DPP4: variants seen among roughly 807,000 people sequenced by gnomAD.
DPP4 encodes dipeptidyl peptidase 4.
A neutral mutation model predicts 122.4 loss-of-function variants in DPP4; 93 were observed. That is an observed-to-expected ratio of 0.76 (90% CI 0.64 to 0.90). DPP4 has a LOEUF of 0.90. Ranked by LOEUF, DPP4 falls within the 40% of genes least tolerant of loss-of-function variation. DPP4 has a pLI of 0.00. For synonymous variants in DPP4, 321 were observed against 302.9 expected (o/e 1.06, Z -0.62); for missense variants, 914 against 907.3 (o/e 1.01, Z -0.09).
intron 21 of DPP4, 36 bp downstream of exon 21, chr2:162,009,201 CACTA>C (rs746032974): frequency 6.3e-7 from 1 of 1,594,912 alleles, no homozygotes; most frequent in Non-Finnish European, 8.6e-7. Flanking sequence ...GAGTGATATT[CACTA>C]ACGAATGCAT....
chr2:161,997,561 T>G (rs1457496314), intron 23 of DPP4, among the ~76,000 whole-genome samples: 1 of 152,212 alleles, frequency 6.6e-6, no homozygotes, highest in Non-Finnish European at 1.5e-5. Context: ...GAATCAAGTG[T>G]TATCAGCTGG....
At chr2:162,046,264 C>T (rs545537310) in intron 4 of DPP4, among the ~76,000 whole-genome samples, 3 of 152,004 alleles carry the variant, frequency 2.0e-5, no homozygotes, top group Non-Finnish European at 4.4e-5. Flanking sequence ...AGGGTTTAAG[C>T]GAGGACTGTC....
At chr2:162,046,608 C>G (rs1395019383) in intron 4 of DPP4, 1 of 471,174 alleles carries the variant, frequency 2.1e-6, no homozygotes, top group African/African-American at 2.0e-5. Flanking sequence ...GAGAGGAGGG[C>G]AGTAATGCTG....
intron 2 of DPP4, among the ~76,000 whole-genome samples, chr2:162,071,373 G>A (rs184725569): frequency 1.1e-4 from 16 of 152,284 alleles, no homozygotes; most frequent in Middle Eastern, 3.4e-3. Context: ...GCCGGGTGCA[G>A]TGGCTTACAC....
At chr2:162,062,418 C>T (rs531479210) in intron 2 of DPP4, among the ~76,000 whole-genome samples, 3 of 152,316 alleles carry the variant, frequency 2.0e-5, no homozygotes, top group Admixed American at 2.0e-4. Context: ...TTCTAAAAGT[C>T]AGCAGTCCAG....
rs199682390 is a variant in DPP4 at position 162,074,135 on chromosome 2, C to G, written c.-154G>C. ...CCCCGAGTTAAACATTAGTGAGCGC[C>G]GAGCCCGCTGGGTATAAAGGCGCCG... is the stretch of plus-strand genomic sequence containing the variant. On this transcript the variant is annotated 5_prime_UTR_variant, in exon 1 of 26. Transcript: ENST00000360534. The G allele has an allele frequency of 2.9e-6, 4 of 1,396,744 alleles. No homozygotes were observed. Among genetic ancestry groups the G allele is most frequent in the Non-Finnish European group, 3.7e-6 (4 of 1,075,722 alleles). 86.5% of individuals were successfully genotyped at this position (1,396,744 alleles called of 1,614,324 possible).
At chr2:162,026,329 G>A (rs1429901095) in intron 10 of DPP4, among the ~76,000 whole-genome samples, 1 of 152,174 alleles carries the variant, frequency 6.6e-6, no homozygotes, top group African/African-American at 2.4e-5. Flanking sequence ...CGCAGGTACT[G>A]AAACAGGACC....
chr2:162,059,954 C>T (rs763922597), intron 2 of DPP4, among the ~76,000 whole-genome samples: 29 of 152,210 alleles, frequency 1.9e-4, no homozygotes, highest in Non-Finnish European at 3.8e-4. Flanking sequence ...TTTCAACCCA[C>T]TTATTCTTCT....
At chr2:162,007,882 A>G (rs1576036152) in intron 22 of DPP4, among the ~76,000 whole-genome samples, 3 of 152,240 alleles carry the variant, frequency 2.0e-5, no homozygotes, top group South Asian at 2.1e-4. Flanking sequence ...GCTATTCATC[A>G]TCAGCCATTC....
chr2:162,038,896 C>A (rs537543116), intron 7 of DPP4, 53 bp downstream of exon 7: 22 of 1,517,544 alleles, frequency 1.4e-5, no homozygotes, highest in Non-Finnish European at 1.9e-5. Flanking sequence ...GTAACTTCTG[C>A]CTATGAAAAA....
At chr2:162,036,093 T>G (rs1683760330) in intron 8 of DPP4, among the ~76,000 whole-genome samples, 1 of 152,188 alleles carries the variant, frequency 6.6e-6, no homozygotes, top group Admixed American at 6.6e-5. Context: ...ATTCAATCAC[T>G]GGCTCTTAAT....
rs114176682 is a variant in DPP4, at chr2:162,039,056, G to A, written c.420-35C>T. The A allele has an allele frequency of 5.1e-4, 827 of 1,612,560 alleles. 6 individuals carry two copies. In the African/African-American group the frequency reaches 0.01, roughly 20 times the overall value. On this transcript the variant is annotated intron_variant, in intron 6 of 25. Transcript: ENST00000360534. ...AGATGAAAGGAAATATTATCAAAAA[G>A]AATAACTCACATTGGGGTTTCCTTA...
At chr2:162,015,451 T>C (rs745447399) in intron 18 of DPP4, among the ~76,000 whole-genome samples, 2 of 151,818 alleles carry the variant, frequency 1.3e-5, no homozygotes, top group Non-Finnish European at 2.9e-5. Context: ...CACCAAACTA[T>C]CAGTTGACCA....
chr2:161,993,466 C>G, intron 25 of DPP4, 82 bp from the exon 26 acceptor site: 1 of 973,098 alleles, frequency 1.0e-6, no homozygotes, highest in East Asian at 2.4e-5. Flanking sequence ...CAAATGAGCT[C>G]TCACGAGCAT....
rs955700842 is a variant in DPP4, at chr2:162,045,555, G to T, written c.343C>A (p.Leu115Ile). The T allele has an allele frequency of 1.9e-6, 3 of 1,611,316 alleles. No homozygotes were observed. In the Admixed American group the frequency reaches 5.0e-5, roughly 27 times the overall value. ...YSISPDGQFI[L>I]LEYNYVKQWR... ...ACCTTCACGTAGTTGTATTCTAAGA[G>T]AATAAACTGCCCATCAGGAGATATT... The change falls in exon 5 of 26, where the codon CTC becomes ATC. Residue 115 changes from leucine to isoleucine, a missense_variant. Physicochemically the swap from Leu to Ile is conservative, Grantham distance 5 (BLOSUM62 2). Coordinates refer to ENST00000360534, the MANE Select transcript of DPP4 (RefSeq NM_001935.4).
At chr2:162,047,549 C>T (rs575011333) in intron 2 of DPP4, 48 bp from the exon 3 acceptor site, 2 of 1,351,762 alleles carry the variant, frequency 1.5e-6, no homozygotes, top group African/African-American at 2.9e-5. Context: ...GATGGAATAA[C>T]CTAAGTTTTG....
At chr2:162,047,631 AGAC>A in intron 2 of DPP4, 130 bp from the exon 3 acceptor site, 1 of 545,176 alleles carries the variant, frequency 1.8e-6, no homozygotes, top group Non-Finnish European at 3.1e-6. Context: ...ACAAAATGCA[AGAC>A]ACATTTTAAA....
At chr2:162,017,446 C>T in intron 16 of DPP4, 1 of 354,634 alleles carries the variant, frequency 2.8e-6, no homozygotes, top group South Asian at 7.2e-5. Context: ...CATCTCTGAA[C>T]TTAATATACT....
At chr2:162,036,369 T>C (rs1437244402) in intron 8 of DPP4, among the ~76,000 whole-genome samples, 2 of 152,220 alleles carry the variant, frequency 1.3e-5, no homozygotes, top group South Asian at 2.1e-4. Flanking sequence ...ATTATTGTGA[T>C]GAGCAGCTGA....
Sources: gnomAD v4.1 joint callset for allele counts (sites outside exome capture counted in the v4.1 genomes callset) on GRCh38, gnomAD v4.1.1 for gene constraint, MANE v1.5 for transcripts, NCBI Gene and HGNC (gene_info 2026-07-23, HGNC 2026-07-21) for gene names.